Variants in TEX26 observed in about 807,000 individuals in gnomAD.
TEX26 encodes the protein testis-expressed protein 26.
In TEX26, 34 loss-of-function variants were observed where a neutral mutation model predicts 35.3. The ratio of observed to expected loss-of-function variants is 0.96; its 90% CI spans 0.73 to 1.28. TEX26 has a LOEUF of 1.28. Among genes scored for constraint, TEX26 ranks in the 50% most tolerant of loss-of-function variants. The probability of loss-of-function intolerance (pLI) is 0.00; values close to 1 mark genes in which losing one functional copy is unlikely to be tolerated. For synonymous variants in TEX26, 136 were observed against 111.8 expected (o/e 1.22, Z -1.36); for missense variants, 371 against 330.1 (o/e 1.12, Z -0.96).
At chr13:30,953,654 T>C (rs1292556779) in intron 3 of TEX26, among the ~76,000 whole-genome samples, 4 of 152,216 alleles carry the variant, frequency 2.6e-5, no homozygotes, top group African/African-American at 9.6e-5. Context: ...AATGCCCTTA[T>C]CCTGTGCATG....
intron 5 of TEX26, among the ~76,000 whole-genome samples, chr13:30,967,739 G>A (rs891766066): frequency 2.4e-4 from 37 of 152,268 alleles, no homozygotes; most frequent in African/African-American, 8.4e-4. Context: ...TTTTTACATC[G>A]TGATTCTATT....
chr13:30,957,315 G>A (rs1954176320), intron 4 of TEX26, among the ~76,000 whole-genome samples: 1 of 152,174 alleles, frequency 6.6e-6, no homozygotes, highest in Non-Finnish European at 1.5e-5. Flanking sequence ...AGGCAAAGAG[G>A]TAGGGGAGAG....
At chr13:30,933,460 G>C (rs551682488) in intron 1 of TEX26, 2 of 152,344 alleles carry the variant, frequency 1.3e-5, no homozygotes, top group East Asian at 3.9e-4. Flanking sequence ...CATGATTACC[G>C]TGTAGTCAGC....
intron 6 of TEX26, chr13:30,973,190 C>G (rs529888346): frequency 3.4e-4 from 51 of 152,108 alleles, no homozygotes; most frequent in Non-Finnish European, 6.3e-4. Context: ...TAATGAAATA[C>G]CACTCAATAA....
In TEX26 at chr13:30,974,211, C is replaced by T. The variant is rs906108547; in HGVS notation, c.809-635C>T. 8.7e-4 allele frequency among the ~76,000 whole-genome samples: 128 copies of T among 146,644 alleles called. 1 individual carries two copies. The highest frequency in any genetic ancestry group is 3.2e-3 in the African/African-American group (126 of 39,548). On this transcript the variant is annotated intron_variant, in intron 6 of 6. Transcript: ENST00000380473. The stretch of plus-strand genomic sequence containing the variant: ...AACCAGACAAGACTCCTTAATGTTA[C>T]AGATCAGGAAATGGAGGCCAGGGAG...
chr13:30,935,470 G>A (rs1953238475), intron 1 of TEX26, among the ~76,000 whole-genome samples: 1 of 152,122 alleles, frequency 6.6e-6, no homozygotes, highest in South Asian at 2.1e-4. Flanking sequence ...GAGCAGGGAA[G>A]AGGACAGCAG....
At chr13:30,959,774 G>A (rs993370719) in intron 4 of TEX26, among the ~76,000 whole-genome samples, 3 of 152,142 alleles carry the variant, frequency 2.0e-5, no homozygotes, top group Non-Finnish European at 4.4e-5. Flanking sequence ...AGTAATGCAG[G>A]AAAAAATTCT....
At chr13:30,947,681 A>G (rs1953762779) in intron 2 of TEX26, among the ~76,000 whole-genome samples, 1 of 152,176 alleles carries the variant, frequency 6.6e-6, no homozygotes, top group African/African-American at 2.4e-5. Context: ...TTAATTTTCT[A>G]TGTTCAAAAA....
Position 30,947,942 on chromosome 13 carries a change from A to G in TEX26, c.147-4718A>G, listed in dbSNP as rs371283978. ...GTGTGATGTTCCTCTTCCTGTGTCCATGTGTTCTCATTGTTCAATTCACAC... is the reference window on the plus strand; with the variant it reads ...GTGTGATGTTCCTCTTCCTGTGTCCGTGTGTTCTCATTGTTCAATTCACAC... On this transcript the variant is annotated intron_variant, in intron 2 of 6. Coordinates refer to ENST00000380473, the MANE Select transcript of TEX26 (RefSeq NM_152325.3). 2.0e-4 allele frequency among the ~76,000 whole-genome samples: 30 copies of G among 151,102 alleles called. No individual in the cohort carries two copies. The East Asian group carries it at 4.1e-3, about 21-fold the overall frequency.
chr13:30,957,546 G>A (rs1224413596), intron 4 of TEX26, among the ~76,000 whole-genome samples: 1 of 152,166 alleles, frequency 6.6e-6, no homozygotes, highest in East Asian at 1.9e-4. Flanking sequence ...TTCAGATGTC[G>A]ACTTTTAGAA....
intron 4 of TEX26, 77 bp from the exon 5 acceptor site, chr13:30,966,145 C>T: frequency 1.3e-6 from 2 of 1,539,946 alleles, no homozygotes; most frequent in Non-Finnish European, 1.8e-6. Context: ...GACCATACCT[C>T]TAAACACAGC....
At chr13:30,963,933 C>A (rs1016056290) in intron 4 of TEX26, among the ~76,000 whole-genome samples, 1 of 152,164 alleles carries the variant, frequency 6.6e-6, no homozygotes, top group Non-Finnish European at 1.5e-5. Flanking sequence ...AACGGACGTT[C>A]CAGACTCTTC....
chr13:30,939,544 A>G, intron 1 of TEX26, 150 bp from the exon 2 acceptor site: 1 of 596,658 alleles, frequency 1.7e-6, no homozygotes, highest in African/African-American at 1.9e-5. Context: ...TTCCTATTAG[A>G]GGCTGTATTT....
intron 6 of TEX26, among the ~76,000 whole-genome samples, chr13:30,971,078 G>T (rs1212318662): frequency 1.3e-5 from 2 of 152,212 alleles, no homozygotes; most frequent in African/African-American, 4.8e-5. Context: ...TGCAGGATCT[G>T]CTTCCCATGG....
intron 4 of TEX26, among the ~76,000 whole-genome samples, chr13:30,962,436 G>A (rs948275504): frequency 5.3e-5 from 8 of 152,132 alleles, no homozygotes; most frequent in Non-Finnish European, 7.3e-5. Context: ...CTGTGGAGCA[G>A]GTCTCCCTTC....
chr13:30,943,841 G>A (rs1433146509), intron 2 of TEX26, among the ~76,000 whole-genome samples: 1 of 151,886 alleles, frequency 6.6e-6, no homozygotes, highest in Non-Finnish European at 1.5e-5. Context: ...TTATCTTTTC[G>A]ATGTGCTATT....
chr13:30,967,426 T>C (rs1954577371), intron 5 of TEX26, among the ~76,000 whole-genome samples: 1 of 152,210 alleles, frequency 6.6e-6, no homozygotes, highest in Admixed American at 6.5e-5. Context: ...GCTCCAACTG[T>C]GTAGAAGTTG....
chr13:30,952,709 A>G lies in TEX26; in HGVS notation c.196A>G (p.Ile66Val). 6.2e-7 allele frequency: 1 copy of G among 1,611,192 alleles called. No individual in the cohort carries two copies. The highest frequency in any genetic ancestry group is 8.5e-7 in the Non-Finnish European group (1 of 1,178,884). Residue 66 changes from isoleucine to valine, a missense_variant, in exon 3 of 7, where the codon ATT becomes GTT. Coordinates refer to ENST00000380473, the MANE Select transcript of TEX26 (RefSeq NM_152325.3). ...LGYTYSLSDP[I>V]LNQTQYSDEY... ...ATATACATATTCACTTAGTGATCCT[A>G]TTCTCAATCAGACACAATATAGTGA...
chr13:30,939,319 T>A (rs764981614), intron 1 of TEX26, among the ~76,000 whole-genome samples: 1 of 152,210 alleles, frequency 6.6e-6, no homozygotes, highest in African/African-American at 2.4e-5. Context: ...AGTCATTCCG[T>A]GTGTCTATAG....
Sources: gnomAD v4.1 joint callset for allele counts (sites outside exome capture counted in the v4.1 genomes callset) on GRCh38, gnomAD v4.1.1 for gene constraint, MANE v1.5 for transcripts, NCBI Gene and HGNC (gene_info 2026-07-23, HGNC 2026-07-21) for gene names.